Variants in RAB3IP observed in about 807,000 individuals in gnomAD.
RAB3IP encodes RAB3A interacting protein.
A neutral mutation model predicts 59.1 loss-of-function variants in RAB3IP; 36 were observed. That is an observed-to-expected ratio of 0.61 (90% CI 0.47 to 0.80). The LOEUF (loss-of-function observed/expected upper bound fraction) is 0.80. Ranked by LOEUF, RAB3IP falls within the 30% of genes least tolerant of loss-of-function variation. RAB3IP has a pLI of 0.00. For synonymous variants in RAB3IP, 207 were observed against 191.2 expected (o/e 1.08, Z -0.68); for missense variants, 511 against 536.0 (o/e 0.95, Z 0.46).
Position 69,756,571 on chromosome 12 carries a change from G to C in RAB3IP, c.418G>C (p.Asp140His), listed in dbSNP as rs776795449. 13 of 1,614,028 alleles carry C rather than the reference G, an allele frequency of 8.1e-6. No homozygotes were observed. The highest frequency in any genetic ancestry group is 1.7e-6 in the Non-Finnish European group (2 of 1,180,002). ...GSDDIFGLST[D>H]SLSRLRSPSV... is the part of the protein sequence containing the mutation. ...TGATGATATTTTTGGGTTGAGTACT[G>C]ATAGTCTGTCTCGTTTACGAAGCCC... Residue 140 changes from aspartate to histidine, a missense_variant, in exon 3 of 11, where the codon GAT (aspartate) becomes CAT (histidine). Physicochemically the swap from Asp to His is moderately conservative, Grantham distance 81. Coordinates refer to ENST00000247833, the MANE Select transcript of RAB3IP (RefSeq NM_022456.5).
Position 69,821,018 on chromosome 12 carries a change from AGAATT to A in RAB3IP, c.*5576_*5580del, listed in dbSNP as rs965776629. 22 of 152,310 alleles carry A rather than the reference AGAATT, an allele frequency of 1.4e-4. No individual in the cohort carries two copies. Among genetic ancestry groups the A allele is most frequent in the African/African-American group, 5.1e-4 (21 of 41,576 alleles). The allele number at this position is 152,310 out of a possible 1,614,324, so 9.4% of individuals were successfully genotyped here. The stretch of plus-strand genomic sequence containing the variant: ...GGACTAAACTTGATAAAATATTAAA[AGAATT>A]GAAACCCTTCCTAAAGGCAGCTTCT... On this transcript the variant is annotated 3_prime_UTR_variant, in exon 11 of 11. Transcript: ENST00000247833.
At chr12:69,752,438 A>C (rs1286364053) in intron 1 of RAB3IP, among the ~76,000 whole-genome samples, 1 of 151,984 alleles carries the variant, frequency 6.6e-6, no homozygotes, top group Non-Finnish European at 1.5e-5. Flanking sequence ...ATAGCGATAC[A>C]TGGATATGTA....
In RAB3IP at chr12:69,822,816, T is replaced by C. The variant is rs1481399596; in HGVS notation, c.*7370T>C. ...TACAACTATTATGTATCCATAAAAATTGGAAATAAACTACCACCATCTTTC... is the reference window on the plus strand; with the variant it reads ...TACAACTATTATGTATCCATAAAAACTGGAAATAAACTACCACCATCTTTC... On this transcript the variant is annotated 3_prime_UTR_variant, in exon 11 of 11. Transcript: ENST00000247833. 6.6e-6 allele frequency: 1 copy of C among 152,142 alleles called. No homozygotes were observed. Among genetic ancestry groups the C allele is most frequent in the Non-Finnish European group, 1.5e-5 (1 of 68,004 alleles). 9.4% of individuals were successfully genotyped at this position (152,142 alleles called of 1,614,324 possible). A position where few individuals can be genotyped will look rare whatever the true frequency, so the allele number is the denominator to read the frequency against.
chr12:69,805,205 C>T (rs1879053549), intron 8 of RAB3IP, among the ~76,000 whole-genome samples: 1 of 152,098 alleles, frequency 6.6e-6, no homozygotes, highest in Non-Finnish European at 1.5e-5. Flanking sequence ...TTGAAGAGGT[C>T]CTTCACATCC....
At chr12:69,791,611 A>G (rs1035564807) in intron 4 of RAB3IP, among the ~76,000 whole-genome samples, 4 of 152,218 alleles carry the variant, frequency 2.6e-5, no homozygotes, top group African/African-American at 4.8e-5. Context: ...TCACTCCCCA[A>G]TGAGATAGCA....
At chr12:69,808,447 G>A (rs1244828118) in intron 8 of RAB3IP, among the ~76,000 whole-genome samples, 1 of 152,182 alleles carries the variant, frequency 6.6e-6, no homozygotes, top group Non-Finnish European at 1.5e-5. Context: ...GGATATCTTT[G>A]TTAACTTTCT....
chr12:69,819,988 C>T lies in RAB3IP; in HGVS notation c.*4542C>T, dbSNP rs1881524984. The T allele has an allele frequency of 6.6e-6, 1 of 152,156 alleles. No individual in the cohort carries two copies. The highest frequency in any genetic ancestry group is 6.5e-5 in the Admixed American group (1 of 15,280). 9.4% of individuals were successfully genotyped at this position (152,156 alleles called of 1,614,324 possible). A position where few individuals can be genotyped will look rare whatever the true frequency, so the allele number is the denominator to read the frequency against. On this transcript the variant is annotated 3_prime_UTR_variant, in exon 11 of 11. Transcript: ENST00000247833. ...CTTAGTCCTTAAAATAACTTGCAAC[C>T]TGTTACGTCTTCACTTACTCCCATC...
At chr12:69,808,613 ATAGT>A (rs1879869515) in intron 8 of RAB3IP, among the ~76,000 whole-genome samples, 2 of 152,082 alleles carry the variant, frequency 1.3e-5, no homozygotes, top group African/African-American at 2.4e-5. Flanking sequence ...TATATTTAGG[ATAGT>A]TAGTTCTTCT....
rs370974494 is a variant in RAB3IP, at chr12:69,767,295, C to T, written c.510+10632C>T. ...GTTTTATATTGGGCTGTGCATTTGA[C>T]CTACAAGTCAGTAGGCCATGCTTAT... On this transcript the variant is annotated intron_variant, in intron 3 of 10. Coordinates refer to ENST00000247833, the MANE Select transcript of RAB3IP (RefSeq NM_022456.5). Among the ~76,000 whole-genome samples, 12 of 152,250 alleles carry T rather than the reference C, an allele frequency of 7.9e-5. No individual in the cohort carries two copies. The South Asian group carries it at 1.0e-3, about 13-fold the overall frequency.
At chr12:69,796,628 A>C (rs17120917) in intron 6 of RAB3IP, 147,698 of 624,202 alleles carry the variant, frequency 0.24, 19,238 homozygotes, top group Middle Eastern at 0.32. Flanking sequence ...ACGAATTATC[A>C]ATAAAAATGA....
At chr12:69,791,047 G>C (rs769144056) in intron 4 of RAB3IP, among the ~76,000 whole-genome samples, 1 of 152,162 alleles carries the variant, frequency 6.6e-6, no homozygotes, top group Non-Finnish European at 1.5e-5. Context: ...CACATTTTTG[G>C]TTAGCTGACC....
At chr12:69,798,189 T>C (rs570529923) in intron 6 of RAB3IP, among the ~76,000 whole-genome samples, 1 of 152,314 alleles carries the variant, frequency 6.6e-6, no homozygotes, top group South Asian at 2.1e-4. Context: ...GCACCTGTTG[T>C]TTCCTGACTT....
At chr12:69,745,310 C>G (rs1440561929) in intron 1 of RAB3IP, among the ~76,000 whole-genome samples, 1 of 151,692 alleles carries the variant, frequency 6.6e-6, no homozygotes, top group Non-Finnish European at 1.5e-5. Flanking sequence ...TTTATTATTA[C>G]AAATTTTCAA....
intron 3 of RAB3IP, among the ~76,000 whole-genome samples, chr12:69,761,889 G>A (rs944385357): frequency 6.6e-6 from 1 of 152,148 alleles, no homozygotes; most frequent in Admixed American, 6.5e-5. Context: ...ATAATTCAGA[G>A]ATCTGTTTCT....
intron 8 of RAB3IP, among the ~76,000 whole-genome samples, chr12:69,805,891 C>A (rs1339184280): frequency 6.6e-6 from 1 of 151,984 alleles, no homozygotes; most frequent in Non-Finnish European, 1.5e-5. Flanking sequence ...TTGCTGGATT[C>A]GGTTTGCCAG....
chr12:69,754,869 GAT>G (rs1191952503), intron 1 of RAB3IP, among the ~76,000 whole-genome samples: 1 of 152,138 alleles, frequency 6.6e-6, no homozygotes, highest in South Asian at 2.1e-4. Flanking sequence ...AGTATACTGA[GAT>G]AATTTATTTT....
In RAB3IP at chr12:69,823,127, T is replaced by C. The variant is rs932654247; in HGVS notation, c.*7681T>C. The C allele has an allele frequency of 2.0e-5, 3 of 152,174 alleles. No homozygotes were observed. Among genetic ancestry groups the C allele is most frequent in the Admixed American group, 6.6e-5 (1 of 15,266 alleles). The allele number at this position is 152,174 out of a possible 1,614,324, so 9.4% of individuals were successfully genotyped here. On this transcript the variant is annotated 3_prime_UTR_variant, in exon 11 of 11. Transcript: ENST00000247833. ...ACTACACATTATATGTATGGAAATA[T>C]CATTGTGTACCCCATGAATATGGGC...
chr12:69,799,117 C>T (rs1221390667), intron 6 of RAB3IP, among the ~76,000 whole-genome samples: 1 of 152,040 alleles, frequency 6.6e-6, no homozygotes, highest in African/African-American at 2.4e-5. Context: ...ATGAATTGGG[C>T]TGAAAAAAAT....
At chr12:69,749,032 A>G (rs998771898) in intron 1 of RAB3IP, among the ~76,000 whole-genome samples, 1 of 152,222 alleles carries the variant, frequency 6.6e-6, no homozygotes, top group Admixed American at 6.5e-5. Context: ...TGTAGGTTAG[A>G]AGCACTGCTC....
Sources: gnomAD v4.1 joint callset for allele counts (sites outside exome capture counted in the v4.1 genomes callset) on GRCh38, gnomAD v4.1.1 for gene constraint, MANE v1.5 for transcripts, NCBI Gene and HGNC (gene_info 2026-07-23, HGNC 2026-07-21) for gene names.